The following RNF213 variants were observed in gnomAD, a reference collection of about 807,000 sequenced individuals.
The protein encoded by RNF213 is ring finger protein 213, also known as E3 ubiquitin-protein ligase RNF213.
RNF213 carries 341 observed loss-of-function variants against 514.4 expected under a neutral mutation model. That is an observed-to-expected ratio of 0.66 (90% CI 0.61 to 0.73). The LOEUF is 0.73. RNF213 is among the 30% of genes least tolerant of loss of function. RNF213 has a pLI of 0.00. For synonymous variants in RNF213, 2,655 were observed against 2,658.2 expected, an observed-to-expected ratio of 1.00 and a Z score of 0.04; for missense variants, 5,767 against 6,615.6, an observed-to-expected ratio of 0.87 and a Z score of 4.45.
chr17:80,390,193 G>A lies in RNF213; in HGVS notation c.15467G>A (p.Trp5156Ter). The part of the protein sequence containing the change: ...TQTEERFRPQ[W>*]SLRDTLVSYM... Reference sequence around the variant, plus strand: ...ACCGAGGAGCGCTTCCGCCCTCAGTGGAGGTATGGATTTGCACACCTATGG... The same window carrying A: ...ACCGAGGAGCGCTTCCGCCCTCAGTAGAGGTATGGATTTGCACACCTATGG... The change falls in exon 67 of 68, where the codon TGG becomes TAG. Residue 5156 changes from tryptophan to a stop codon, truncating the protein, a stop_gained. Coordinates refer to ENST00000582970, the MANE Select transcript of RNF213 (RefSeq NM_001256071.3). LOFTEE classifies it low-confidence loss of function (END_TRUNC). 1.2e-6 allele frequency: 2 copies of A among 1,614,010 alleles called. No individual in the cohort carries two copies. The highest frequency in any genetic ancestry group is 1.7e-6 in the Non-Finnish European group (2 of 1,180,004).
chr17:80,302,799 G>T (rs2143519136), intron 11 of RNF213, among the ~76,000 whole-genome samples: 1 of 152,276 alleles, frequency 6.6e-6, no homozygotes, highest in East Asian at 1.9e-4. Context: ...GGTCAAGGCT[G>T]CAGTGGTAGA....
At chr17:80,382,829 G>A in intron 57 of RNF213, 150 bp from the exon 58 acceptor site, 2 of 648,874 alleles carry the variant, frequency 3.1e-6, no homozygotes, top group Admixed American at 4.7e-5. Flanking sequence ...GTAACAACAG[G>A]AACTACTTCA....
intron 14 of RNF213, among the ~76,000 whole-genome samples, chr17:80,312,506 G>A (rs2045605839): frequency 1.5e-5 from 2 of 137,408 alleles, no homozygotes; most frequent in Non-Finnish European, 3.2e-5. Flanking sequence ...GTGGGAAGGG[G>A]ACCCAGGTTT....
Position 80,325,094 on chromosome 17 carries a change from C to G in RNF213, c.3089C>G (p.Ser1030Cys), listed in dbSNP as rs1297615470. 4 of 1,537,072 alleles carry G rather than the reference C, an allele frequency of 2.6e-6. No homozygotes were observed. Among genetic ancestry groups the G allele is most frequent in the Admixed American group, 3.9e-5 (2 of 50,962 alleles). Residue 1030 changes from serine to cysteine, a missense_variant, in exon 18 of 68, where the codon TCT (serine) becomes TGT (cysteine). Physicochemically the swap from Ser to Cys is moderately radical, Grantham distance 112 (BLOSUM62 -1). Coordinates refer to ENST00000582970, the MANE Select transcript of RNF213 (RefSeq NM_001256071.3). ...TTGCGGAAATTTGGCATCGTCTTGT[C>G]TGCTGTGATCACTAAGTCCTGGCCT... ...SDLRKFGIVL[S>C]AVITKSWPRT...
chr17:80,359,759 A>C (rs563280765), intron 37 of RNF213, among the ~76,000 whole-genome samples: 2 of 152,322 alleles, frequency 1.3e-5, no homozygotes, highest in African/African-American at 4.8e-5. Flanking sequence ...AAGTTATCAA[A>C]GCCAGACAGG....
At chr17:80,270,434 C>T (rs1486230866) in intron 2 of RNF213, among the ~76,000 whole-genome samples, 1 of 152,216 alleles carries the variant, frequency 6.6e-6, no homozygotes, top group South Asian at 2.1e-4. Flanking sequence ...TCTTCAAATC[C>T]CCTGCACAAA....
intron 59 of RNF213, 78 bp downstream of exon 59, chr17:80,384,006 C>T (rs563709255): frequency 2.8e-5 from 44 of 1,545,962 alleles, no homozygotes; most frequent in African/African-American, 1.4e-4. Flanking sequence ...TGGGCTTTTA[C>T]GTAGTATAAT....
At chr17:80,269,568 A>G (rs1204749567) in intron 2 of RNF213, among the ~76,000 whole-genome samples, 1 of 145,896 alleles carries the variant, frequency 6.9e-6, no homozygotes, top group African/African-American at 2.5e-5. Context: ...CTATCTGTCC[A>G]TCCATCTATA....
At chr17:80,386,109 A>G in intron 61 of RNF213, 141 bp from the exon 62 acceptor site, 3 of 746,816 alleles carry the variant, frequency 4.0e-6, no homozygotes, top group Non-Finnish European at 6.9e-6. Context: ...AAACTCTATC[A>G]GCATATGAGA....
chr17:80,319,321 T>C lies in RNF213; in HGVS notation c.3024+9T>C, dbSNP rs773074293. 1 of 1,614,104 alleles carries C rather than the reference T, an allele frequency of 6.2e-7. No homozygotes were observed. The highest frequency in any genetic ancestry group is 2.2e-5 in the East Asian group (1 of 44,886). Reference sequence around the variant, plus strand: ...TGAGCTCAGCCTGCCAGGTGAACAATCTCTCCTCCTGGGAAACGGATTCGG... The same window carrying C: ...TGAGCTCAGCCTGCCAGGTGAACAACCTCTCCTCCTGGGAAACGGATTCGG... On this transcript the variant is annotated intron_variant, in intron 17 of 67. Coordinates refer to ENST00000582970, the MANE Select transcript of RNF213 (RefSeq NM_001256071.3).
Position 80,381,740 on chromosome 17 carries a change from G to T in RNF213, c.13978+13G>T. Reference sequence around the variant, plus strand: ...CTCTCTAGCAGAAGTGAGGAAAGGGGCAAGGGCTGGGCGGGGATCACACAG... The same window carrying T: ...CTCTCTAGCAGAAGTGAGGAAAGGGTCAAGGGCTGGGCGGGGATCACACAG... On this transcript the variant is annotated intron_variant, in intron 57 of 67. Transcript: ENST00000582970. The T allele has an allele frequency of 6.2e-7, 1 of 1,610,478 alleles. No individual in the cohort carries two copies.
At chr17:80,393,161 G>A (rs2080551893) in intron 67 of RNF213, among the ~76,000 whole-genome samples, 184 bp from the exon 68 acceptor site, 1 of 150,736 alleles carries the variant, frequency 6.6e-6, no homozygotes. Flanking sequence ...TTGTATTTTT[G>A]CTAGAGACAG....
chr17:80,385,913 G>A lies in RNF213; in HGVS notation c.14539+292G>A, dbSNP rs754706033. 3.3e-4 allele frequency among the ~76,000 whole-genome samples: 50 copies of A among 152,236 alleles called. No homozygotes were observed. The Middle Eastern group carries it at 0.01, about 31-fold the overall frequency. On this transcript the variant is annotated intron_variant, in intron 61 of 67. Coordinates refer to ENST00000582970, the MANE Select transcript of RNF213 (RefSeq NM_001256071.3). ...ACTCCCAAGCTCAGGCAATCCACCC[G>A]CCTCGGCCTCCCAAAGTGCTAGGAT...
intron 44 of RNF213, 62 bp from the exon 45 acceptor site, chr17:80,369,440 C>A: frequency 3.6e-6 from 5 of 1,397,140 alleles, no homozygotes; most frequent in South Asian, 1.2e-5. Flanking sequence ...AATCTCAAGT[C>A]ATTCTGTAAG....
intron 67 of RNF213, 70 bp downstream of exon 67, chr17:80,390,266 G>A: frequency 1.3e-6 from 2 of 1,502,382 alleles, no homozygotes; most frequent in Non-Finnish European, 1.8e-6. Context: ...ATCTTCTATA[G>A]ACACAAAAAT....
chr17:80,352,873 C>G, intron 32 of RNF213, 67 bp from the exon 33 acceptor site: 1 of 1,611,166 alleles, frequency 6.2e-7, no homozygotes, highest in Non-Finnish European at 8.5e-7. Flanking sequence ...TGCAATGTCC[C>G]TGCTTAGGGC....
intron 3 of RNF213, among the ~76,000 whole-genome samples, chr17:80,281,233 T>TCA (rs1387464996): frequency 9.2e-5 from 2 of 21,722 alleles, no homozygotes; most frequent in African/African-American, 1.8e-4. Flanking sequence ...CACACCCCAC[T>TCA]CACACACACC....
At chr17:80,315,757 ACAG>A (rs1568059690) in intron 15 of RNF213, 4 of 17,612 alleles carry the variant, frequency 2.3e-4, no homozygotes, top group South Asian at 2.2e-3. Context: ...GGTGGAGGTG[ACAG>A]TGGTGATGCT....
At chr17:80,281,400 CACA>C (rs2044270298) in intron 3 of RNF213, among the ~76,000 whole-genome samples, 1 of 135,122 alleles carries the variant, frequency 7.4e-6, no homozygotes, top group South Asian at 2.5e-4. Flanking sequence ...ACACCACTTA[CACA>C]CCCCCAAGAC....
Sources: allele counts gnomAD v4.1 joint callset (sites outside exome capture counted in the v4.1 genomes callset), GRCh38; gene constraint gnomAD v4.1.1; transcripts MANE v1.5; gene names NCBI Gene and HGNC (gene_info 2026-07-23, HGNC 2026-07-21).